Variants in PITPNB observed in about 807,000 individuals in gnomAD.
PITPNB encodes phosphatidylinositol transfer protein beta.
Under a neutral mutation model 45.9 loss-of-function variants are expected in PITPNB, and 16 were observed. The ratio of observed to expected loss-of-function variants is 0.35; its 90% CI spans 0.24 to 0.53. The LOEUF (loss-of-function observed/expected upper bound fraction) is 0.53, where lower values mean the gene tolerates loss of function less well. Among genes scored for constraint, PITPNB ranks in the 20% least tolerant of loss-of-function variants. The pLI is 0.93. For synonymous variants in PITPNB, 112 were observed against 108.9 expected (o/e 1.03, Z -0.18); for missense variants, 188 against 330.5 (o/e 0.57, Z 3.34).
chr22:27,914,745 T>C (rs1936029786), intron 1 of PITPNB, among the ~76,000 whole-genome samples: 1 of 152,240 alleles, frequency 6.6e-6, no homozygotes, highest in Non-Finnish European at 1.5e-5. Flanking sequence ...GTGCATTTTG[T>C]TTTTATGATG....
chr22:27,893,345 C>T (rs530130494), intron 7 of PITPNB, among the ~76,000 whole-genome samples: 6 of 147,982 alleles, frequency 4.1e-5, no homozygotes, highest in East Asian at 2.0e-4. Flanking sequence ...AGTGCAGTGG[C>T]GCGATCTCGG....
chr22:27,912,696 T>C (rs889794221), intron 2 of PITPNB, among the ~76,000 whole-genome samples: 1 of 151,626 alleles, frequency 6.6e-6, no homozygotes, highest in South Asian at 2.1e-4. Context: ...AAAATGTGCA[T>C]ACAGGCCTGG....
At chr22:27,895,601 CAAAAAG>C (rs904061427) in intron 6 of PITPNB, among the ~76,000 whole-genome samples, 1 of 142,042 alleles carries the variant, frequency 7.0e-6, no homozygotes, top group Non-Finnish European at 1.6e-5. Flanking sequence ...AAAAAAAAAA[CAAAAAG>C]AAAAACAACA....
intron 11 of PITPNB, among the ~76,000 whole-genome samples, chr22:27,854,618 G>A (rs1344824052): frequency 6.6e-6 from 1 of 152,222 alleles, no homozygotes; most frequent in Middle Eastern, 3.4e-3. Context: ...CTGGCAGCTG[G>A]GTTCTAACCC....
At chr22:27,854,110 G>A (rs961176983) in intron 11 of PITPNB, among the ~76,000 whole-genome samples, 6 of 152,154 alleles carry the variant, frequency 3.9e-5, no homozygotes, top group Non-Finnish European at 8.8e-5. Flanking sequence ...AACCACAGTG[G>A]AGGGAGGGGA....
chr22:27,876,016 T>C (rs764151036), intron 7 of PITPNB, among the ~76,000 whole-genome samples: 4 of 152,198 alleles, frequency 2.6e-5, no homozygotes, highest in Non-Finnish European at 5.9e-5. Context: ...AAATGTGAAC[T>C]ATGGATTCAC....
At chr22:27,911,144 C>A in intron 2 of PITPNB, 35 bp from the exon 3 acceptor site, 1 of 1,551,438 alleles carries the variant, frequency 6.4e-7, no homozygotes, top group South Asian at 1.1e-5. Context: ...CTGAGTAAGT[C>A]AGTAGTAACT....
intron 11 of PITPNB, 37 bp downstream of exon 11, chr22:27,854,817 G>A: frequency 7.6e-7 from 1 of 1,322,180 alleles, no homozygotes; most frequent in Non-Finnish European, 1.1e-6. Flanking sequence ...AAAAGGTACA[G>A]GTTTCGAAAC....
intron 7 of PITPNB, among the ~76,000 whole-genome samples, chr22:27,890,192 T>C (rs1215075873): frequency 1.3e-5 from 2 of 152,044 alleles, no homozygotes; most frequent in Admixed American, 6.5e-5. Context: ...CTAGCTCTCC[T>C]GCCACCACCC....
At chr22:27,867,369 C>T (rs1934514926) in intron 8 of PITPNB, among the ~76,000 whole-genome samples, 1 of 151,984 alleles carries the variant, frequency 6.6e-6, no homozygotes, top group Non-Finnish European at 1.5e-5. Flanking sequence ...TGGGGAAGTC[C>T]CATCTGGTGG....
intron 9 of PITPNB, among the ~76,000 whole-genome samples, chr22:27,859,915 T>C (rs562292608): frequency 6.6e-6 from 1 of 152,314 alleles, no homozygotes; most frequent in South Asian, 2.1e-4. Context: ...AACAAAAAGC[T>C]GCTGTGCTTG....
intron 5 of PITPNB, 179 bp downstream of exon 5, chr22:27,896,951 G>T: frequency 1.5e-6 from 1 of 648,532 alleles, no homozygotes; most frequent in East Asian, 2.6e-5. Context: ...TTTGAGACAA[G>T]GGTGGAAAGG....
At chr22:27,859,755 A>C (rs1934267281) in intron 9 of PITPNB, among the ~76,000 whole-genome samples, 1 of 152,178 alleles carries the variant, frequency 6.6e-6, no homozygotes. Context: ...GGAAGGGTCC[A>C]GCTGAGATGG....
chr22:27,853,575 G>C lies in PITPNB; in HGVS notation c.*127C>G. The C allele has an allele frequency of 6.6e-7, 1 of 1,518,588 alleles. No homozygotes were observed. The highest frequency in any genetic ancestry group is 8.9e-7 in the Non-Finnish European group (1 of 1,117,552). 94.1% of individuals were successfully genotyped at this position (1,518,588 alleles called of 1,614,324 possible). A position where few individuals can be genotyped will look rare whatever the true frequency, so the allele number is the denominator to read the frequency against. ...TGTATCATCACAAGCACACATCTGG[G>C]AAACGTCAACACTGCAAGATACTGG... On this transcript the variant is annotated 3_prime_UTR_variant, in exon 12 of 12. Coordinates refer to ENST00000335272, the MANE Select transcript of PITPNB (RefSeq NM_012399.5).
chr22:27,909,651 G>A (rs935764808), intron 3 of PITPNB, among the ~76,000 whole-genome samples: 1 of 152,064 alleles, frequency 6.6e-6, no homozygotes, highest in Non-Finnish European at 1.5e-5. Context: ...CTCTTGAAGG[G>A]CAATTTTGGC....
chr22:27,869,887 G>C (rs9625348), intron 8 of PITPNB, among the ~76,000 whole-genome samples: 1 of 151,002 alleles, frequency 6.6e-6, no homozygotes. Context: ...TAGATTCCCA[G>C]TGGCTTTTTA....
chr22:27,884,510 C>T (rs917361980), intron 7 of PITPNB, among the ~76,000 whole-genome samples: 9 of 152,194 alleles, frequency 5.9e-5, no homozygotes, highest in Admixed American at 6.5e-5. Context: ...TGACCCAAAA[C>T]GAATATGGCA....
At chr22:27,910,874 G>C in intron 3 of PITPNB, 90 bp downstream of exon 3, 2 of 834,204 alleles carry the variant, frequency 2.4e-6, no homozygotes, top group South Asian at 1.7e-5. Context: ...AATTAAAAAT[G>C]TACTTCACAT....
intron 1 of PITPNB, among the ~76,000 whole-genome samples, chr22:27,915,946 T>C (rs1936062016): frequency 6.6e-6 from 1 of 152,134 alleles, no homozygotes; most frequent in Admixed American, 6.6e-5. Context: ...CATCTGCAGG[T>C]GGTTGAAAAC....
Sources: gnomAD v4.1 joint callset for allele counts (sites outside exome capture counted in the v4.1 genomes callset) on GRCh38, gnomAD v4.1.1 for gene constraint, MANE v1.5 for transcripts, NCBI Gene and HGNC (gene_info 2026-07-23, HGNC 2026-07-21) for gene names.